The following TMEM117 variants were observed in gnomAD, a reference collection of about 807,000 sequenced individuals.
The protein encoded by TMEM117 is transmembrane protein 117.
TMEM117 carries 27 observed loss-of-function variants against 52.4 expected under a neutral mutation model. That is an observed-to-expected ratio of 0.51 (90% CI 0.38 to 0.71). TMEM117 has a LOEUF of 0.71. Among genes scored for constraint, TMEM117 ranks in the 30% least tolerant of loss-of-function variants. The probability of loss-of-function intolerance (pLI) is 0.00; values close to 1 mark genes in which losing one functional copy is unlikely to be tolerated. For missense variants in TMEM117, 556 were observed against 630.5 expected (o/e 0.88, Z 1.26); for synonymous variants, 215 against 206.3 (o/e 1.04, Z -0.36).
At chr12:44,058,729 A>G (rs570863815) in intron 3 of TMEM117, among the ~76,000 whole-genome samples, 1 of 152,288 alleles carries the variant, frequency 6.6e-6, no homozygotes, top group South Asian at 2.1e-4. Flanking sequence ...TCTGAGCCCT[A>G]TAGACTCATG....
the TMEM117 span, among the ~76,000 whole-genome samples, chr12:43,800,237 G>T: frequency 6.6e-6 from 1 of 152,198 alleles, no homozygotes; most frequent in Non-Finnish European, 1.5e-5. Context: ...ACTTGTCAAT[G>T]TCAAATAGAT....
chr12:43,919,685 T>C (rs1047761394), intron 2 of TMEM117, among the ~76,000 whole-genome samples: 4 of 151,998 alleles, frequency 2.6e-5, no homozygotes, highest in African/African-American at 9.7e-5. Context: ...CTAGGTCATA[T>C]GGTATCTATT....
At chr12:44,280,438 T>C (rs1427102419) in intron 5 of TMEM117, among the ~76,000 whole-genome samples, 2 of 152,230 alleles carry the variant, frequency 1.3e-5, no homozygotes, top group Admixed American at 6.5e-5. Flanking sequence ...TTTGTCTTCC[T>C]GCCTGCAGTA....
the TMEM117 span, among the ~76,000 whole-genome samples, chr12:43,807,063 T>C: frequency 3.9e-5 from 6 of 152,336 alleles, no homozygotes; most frequent in East Asian, 1.2e-3. Flanking sequence ...AAAAATCTTT[T>C]CCTTTCCTGC....
In TMEM117 at chr12:44,031,429, C is replaced by T. The variant is rs184185246; in HGVS notation, c.410+87087C>T. The stretch of plus-strand genomic sequence containing the variant: ...TGGTTTATAGTCAGGTATAGGACTT[C>T]GACAGGTGCATTTAAATGCAGGTTT... On this transcript the variant is annotated intron_variant, in intron 3 of 7. Transcript: ENST00000266534. Among the ~76,000 whole-genome samples, 11 of 152,002 alleles carry T rather than the reference C, an allele frequency of 7.2e-5. No homozygotes were observed. In the East Asian group the frequency reaches 9.7e-4, roughly 13 times the overall value.
At chr12:44,378,123 A>G (rs1323595322) in intron 7 of TMEM117, among the ~76,000 whole-genome samples, 1 of 152,178 alleles carries the variant, frequency 6.6e-6, no homozygotes, top group African/African-American at 2.4e-5. Context: ...GCTTTTGCGT[A>G]GACCATCTGT....
chr12:44,181,479 G>A lies in TMEM117; in HGVS notation c.511-29811G>A, dbSNP rs1395860370. 1.7e-4 allele frequency among the ~76,000 whole-genome samples: 25 copies of A among 150,338 alleles called. 1 individual carries two copies. In the South Asian group the frequency reaches 5.0e-3, roughly 30 times the overall value. The stretch of plus-strand genomic sequence containing the variant: ...CTAGGTTTTCTTCTAGGGTTTTTAT[G>A]GTTTTAGGTCTAACGTTTAAGTCCT... On this transcript the variant is annotated intron_variant, in intron 4 of 7. Coordinates refer to ENST00000266534, the MANE Select transcript of TMEM117 (RefSeq NM_032256.3).
chr12:44,396,156 C>T, the TMEM117 span, among the ~76,000 whole-genome samples: 1 of 152,086 alleles, frequency 6.6e-6, no homozygotes, highest in South Asian at 2.1e-4. Context: ...GACTTCTAAC[C>T]CTGCAGCCAT....
At chr12:43,956,304 A>G (rs73085709) in intron 3 of TMEM117, among the ~76,000 whole-genome samples, 8 of 152,158 alleles carry the variant, frequency 5.3e-5, no homozygotes, top group African/African-American at 1.9e-4. Flanking sequence ...CGTCTAATTA[A>G]ACTAAAGAGC....
rs201066998 is a variant in TMEM117, at chr12:43,909,238, G to A, written c.278-34972G>A. On this transcript the variant is annotated intron_variant, in intron 2 of 7. Transcript: ENST00000266534. The stretch of plus-strand genomic sequence containing the variant: ...ACATGGAAACTGAACAACCTGCTCC[G>A]GAATGACTACTGGGTACATAACGAA... 3.1e-4 allele frequency among the ~76,000 whole-genome samples: 18 copies of A among 57,588 alleles called. 2 individuals are homozygous for A. Among genetic ancestry groups the A allele is most frequent in the African/African-American group, 5.4e-4 (16 of 29,878 alleles). The allele number at this position is 57,588 out of a possible 152,430, so 37.8% of individuals were successfully genotyped here. A position where few individuals can be genotyped will look rare whatever the true frequency, so the allele number is the denominator to read the frequency against.
At chr12:44,345,639 A>G (rs1462315207) in intron 6 of TMEM117, among the ~76,000 whole-genome samples, 1 of 152,150 alleles carries the variant, frequency 6.6e-6, no homozygotes, top group African/African-American at 2.4e-5. Flanking sequence ...AGCTAAAGAT[A>G]TACCAAACAG....
chr12:44,118,317 A>G (rs1948179111), intron 3 of TMEM117, among the ~76,000 whole-genome samples: 1 of 152,174 alleles, frequency 6.6e-6, no homozygotes, highest in African/African-American at 2.4e-5. Context: ...ATTTAACCAA[A>G]AGAATTCTAT....
chr12:43,940,923 C>T (rs1945034898), intron 2 of TMEM117, among the ~76,000 whole-genome samples: 3 of 152,168 alleles, frequency 2.0e-5, no homozygotes, highest in Admixed American at 1.3e-4. Context: ...CCTAAACCTA[C>T]TGTATTTCCA....
chr12:43,864,343 G>C (rs1943545836), intron 2 of TMEM117, among the ~76,000 whole-genome samples: 1 of 152,036 alleles, frequency 6.6e-6, no homozygotes, highest in South Asian at 2.1e-4. Flanking sequence ...AGATCCACTG[G>C]GTGAAGCCAG....
At chr12:44,386,269 G>A (rs61035347) in intron 7 of TMEM117, among the ~76,000 whole-genome samples, 8,570 of 152,180 alleles carry the variant, frequency 0.056, 261 homozygotes, top group African/African-American at 0.076. Flanking sequence ...CACGGAGTCT[G>A]TTATGGTTGA....
intron 2 of TMEM117, among the ~76,000 whole-genome samples, chr12:43,930,344 T>G (rs1944851919): frequency 6.6e-6 from 1 of 152,220 alleles, no homozygotes; most frequent in African/African-American, 2.4e-5. Context: ...GGTCATTTCC[T>G]GAGTTTCCTT....
intron 2 of TMEM117, among the ~76,000 whole-genome samples, chr12:43,852,016 C>T (rs1321950883): frequency 6.6e-6 from 1 of 152,144 alleles, no homozygotes; most frequent in East Asian, 1.9e-4. Flanking sequence ...AACATTTAAC[C>T]AGCTGGGCGC....
intron 4 of TMEM117, among the ~76,000 whole-genome samples, chr12:44,197,439 T>G (rs1949435899): frequency 2.0e-5 from 3 of 152,164 alleles, no homozygotes; most frequent in Admixed American, 2.0e-4. Flanking sequence ...CAAAAATAAA[T>G]GCTCAATCAT....
intron 2 of TMEM117, among the ~76,000 whole-genome samples, chr12:43,868,889 GAAAATT>G (rs1275467620): frequency 5.6e-5 from 4 of 70,876 alleles, no homozygotes; most frequent in Non-Finnish European, 2.0e-4. Context: ...AAACAATAGA[GAAAATT>G]AATAAATCCA....
Sources: allele counts gnomAD v4.1 joint callset (sites outside exome capture counted in the v4.1 genomes callset), GRCh38; gene constraint gnomAD v4.1.1; transcripts MANE v1.5; gene names NCBI Gene and HGNC (gene_info 2026-07-23, HGNC 2026-07-21).